KIF26B: variants seen among roughly 807,000 people sequenced by gnomAD.
KIF26B encodes the protein kinesin family member 26B.
Under a neutral mutation model 151.2 loss-of-function variants are expected in KIF26B, and 63 were observed. That is an observed-to-expected ratio of 0.42 (90% CI 0.34 to 0.51). The LOEUF is 0.51. Ranked by LOEUF, KIF26B falls within the 20% of genes least tolerant of loss-of-function variation. The pLI, the probability that KIF26B is intolerant of heterozygous loss-of-function variation, is 0.07. For synonymous variants in KIF26B, 1,357 were observed against 1,262.1 expected (o/e 1.08, Z -1.59); for missense variants, 2,813 against 2,913.6 (o/e 0.97, Z 0.79).
chr1:245,544,310 T>C (rs1661689491), intron 5 of KIF26B, among the ~76,000 whole-genome samples: 1 of 152,206 alleles, frequency 6.6e-6, no homozygotes, highest in South Asian at 2.1e-4. Context: ...TTGATGGAAT[T>C]CCCAAAAGCA....
intron 2 of KIF26B, among the ~76,000 whole-genome samples, chr1:245,343,081 ATCTC>A: frequency 2.3e-5 from 1 of 43,862 alleles, no homozygotes; most frequent in Middle Eastern, 6.9e-3. Context: ...GCGAGACTCC[ATCTC>A]AAAAAAAAAA....
At chr1:245,557,483 A>G (rs1329205279) in intron 5 of KIF26B, among the ~76,000 whole-genome samples, 1 of 152,200 alleles carries the variant, frequency 6.6e-6, no homozygotes, top group Non-Finnish European at 1.5e-5. Context: ...AAAACGAATC[A>G]TACTTCCTCA....
chr1:245,647,192 G>A lies in KIF26B; in HGVS notation c.2258+912G>A, dbSNP rs190745631. 4.4e-3 allele frequency among the ~76,000 whole-genome samples: 664 copies of A among 152,218 alleles called. 7 individuals carry two copies. The highest frequency in any genetic ancestry group is 0.015 in the African/African-American group (619 of 41,526). On this transcript the variant is annotated intron_variant, in intron 10 of 14. Coordinates refer to ENST00000407071, the MANE Select transcript of KIF26B (RefSeq NM_018012.4). Reference sequence around the variant, plus strand: ...TGTAATCCTGGCACTTTGGGAGGCCGAGGCGGGTGGATCACAAGGTCAGGA... The same window carrying A: ...TGTAATCCTGGCACTTTGGGAGGCCAAGGCGGGTGGATCACAAGGTCAGGA...
chr1:245,227,537 C>T lies in KIF26B; in HGVS notation c.465+70854C>T, dbSNP rs955436649. Among the ~76,000 whole-genome samples, 1 of 152,168 alleles carries T rather than the reference C, an allele frequency of 6.6e-6. No individual in the cohort carries two copies. Among genetic ancestry groups the T allele is most frequent in the Non-Finnish European group, 1.5e-5 (1 of 68,038 alleles). On this transcript the variant is annotated intron_variant, in intron 2 of 14. Transcript: ENST00000407071. This position sits in a 1 kb window ranked among gnomAD's most constrained non-coding sequence, Gnocchi z 4.1. ...GATTCCTCACGGGCAGAGATACTAC[C>T]CTCTGAGCTTGCTCCCTGCTTTGCT...
intron 2 of KIF26B, among the ~76,000 whole-genome samples, chr1:245,208,356 A>T (rs918643781): frequency 6.6e-6 from 1 of 152,220 alleles, no homozygotes; most frequent in Non-Finnish European, 1.5e-5. Flanking sequence ...TCCCCCATTG[A>T]TAACACCAGG....
chr1:245,573,037 A>G (rs1357929456), intron 5 of KIF26B, among the ~76,000 whole-genome samples: 1 of 152,210 alleles, frequency 6.6e-6, no homozygotes, highest in Non-Finnish European at 1.5e-5. Context: ...TTTCTTGTCC[A>G]ACTAAAACAC....
chr1:245,344,083 G>GCCTC (rs60727364), intron 2 of KIF26B, among the ~76,000 whole-genome samples: 30,315 of 148,476 alleles, frequency 0.2, 5,419 homozygotes, highest in African/African-American at 0.49. Flanking sequence ...CTGCCTCGCT[G>GCCTC]CCTCCCTCCC....
Position 245,602,526 on chromosome 1 carries a change from T to C in KIF26B, c.1351-51T>C. On this transcript the variant is annotated intron_variant, in intron 5 of 14. Transcript: ENST00000407071. The surrounding 1 kb of genome is among the most constrained non-coding windows in gnomAD (Gnocchi z 4.5). Reference sequence around the variant, plus strand: ...CAGAGTATACAAGGGTGCTCCATCGTAAAACACCCAGCTGTCTTCATCCAT... The same window carrying C: ...CAGAGTATACAAGGGTGCTCCATCGCAAAACACCCAGCTGTCTTCATCCAT... 6.7e-7 allele frequency: 1 copy of C among 1,494,484 alleles called. No homozygotes were observed. Among genetic ancestry groups the C allele is most frequent in the Non-Finnish European group, 9.2e-7 (1 of 1,091,446 alleles). The allele number at this position is 1,494,484 out of a possible 1,614,324, so 92.6% of individuals were successfully genotyped here.
At position 245,563,076 on chromosome 1, in the gene KIF26B, C is replaced by T. The variant is rs1558216195; in HGVS notation, c.1350+22126C>T. Among the ~76,000 whole-genome samples, 1 of 152,274 alleles carries T rather than the reference C, an allele frequency of 6.6e-6. No individual in the cohort carries two copies. Among genetic ancestry groups the T allele is most frequent in the East Asian group, 1.9e-4 (1 of 5,186 alleles). ...AGCACAGCCAGCATAGGAGCCGGCACTTAGTACATGTTTGTTTGGGGAATG... is the reference window on the plus strand; with the variant it reads ...AGCACAGCCAGCATAGGAGCCGGCATTTAGTACATGTTTGTTTGGGGAATG... On this transcript the variant is annotated intron_variant, in intron 5 of 14. Coordinates refer to ENST00000407071, the MANE Select transcript of KIF26B (RefSeq NM_018012.4). The surrounding 1 kb of genome is among the most constrained non-coding windows in gnomAD (Gnocchi z 4.6).
At chr1:245,611,701 C>A in intron 8 of KIF26B, 92 bp from the exon 9 acceptor site, 2 of 1,363,412 alleles carry the variant, frequency 1.5e-6, no homozygotes, top group Non-Finnish European at 1.0e-6. Flanking sequence ...ACAGAACACA[C>A]AGCCAGCTGA....
intron 5 of KIF26B, among the ~76,000 whole-genome samples, chr1:245,579,971 A>G (rs995305172): frequency 6.6e-6 from 1 of 152,098 alleles, no homozygotes; most frequent in Non-Finnish European, 1.5e-5. Context: ...TGAGCATTCC[A>G]TGAGACACGG....
chr1:245,560,165 G>A lies in KIF26B; in HGVS notation c.1350+19215G>A, dbSNP rs1183480044. On this transcript the variant is annotated intron_variant, in intron 5 of 14. Coordinates refer to ENST00000407071, the MANE Select transcript of KIF26B (RefSeq NM_018012.4). The surrounding 1 kb of genome is among the most constrained non-coding windows in gnomAD (Gnocchi z 4.3). ...CCAGACCGTGAGTTGTGGATGAAAG[G>A]GGCTGTATCTTACTTGCCCCTTTTT... Among the ~76,000 whole-genome samples, 1 of 152,082 alleles carries A rather than the reference G, an allele frequency of 6.6e-6. No homozygotes were observed. The highest frequency in any genetic ancestry group is 2.4e-5 in the African/African-American group (1 of 41,384).
intron 4 of KIF26B, among the ~76,000 whole-genome samples, chr1:245,440,139 T>G (rs1398207944): frequency 6.6e-6 from 1 of 151,270 alleles, no homozygotes; most frequent in Non-Finnish European, 1.5e-5. Context: ...GAGAATGGCG[T>G]GAACCTGGGA....
intron 2 of KIF26B, among the ~76,000 whole-genome samples, chr1:245,276,375 T>C (rs1325048882): frequency 6.6e-6 from 1 of 152,108 alleles, no homozygotes; most frequent in Admixed American, 6.5e-5. Flanking sequence ...TTTGAATACA[T>C]GCTCCAACTC....
chr1:245,688,327 T>C lies in KIF26B; in HGVS notation c.5344T>C (p.Trp1782Arg). Residue 1782 changes from tryptophan (W) to arginine (R), a missense_variant, in exon 12 of 15, where the codon TGG becomes CGG. Trp to Arg is a moderately radical substitution (Grantham distance 101). Transcript: ENST00000407071. ...GCCCCCCGGTGGGAAGCACACGCCCTGGTCCACGCAGTCCCTCAGCAGGAA... is the reference window on the plus strand; with the variant it reads ...GCCCCCCGGTGGGAAGCACACGCCCCGGTCCACGCAGTCCCTCAGCAGGAA... ...SSPPGGKHTP[W>R]STQSLSRNRS... The C allele has an allele frequency of 6.3e-7, 1 of 1,592,856 alleles. No individual in the cohort carries two copies. Among genetic ancestry groups the C allele is most frequent in the Non-Finnish European group, 8.5e-7 (1 of 1,177,284 alleles).
In KIF26B at chr1:245,688,603, G is replaced by A. The variant is rs750089358; in HGVS notation, c.5620G>A (p.Val1874Met). 3.2e-6 allele frequency: 5 copies of A among 1,585,928 alleles called. No individual in the cohort carries two copies. The East Asian group carries it at 1.2e-4, about 37-fold the overall frequency. Reference protein sequence around the residue: ...SSGHGSDNSSVLSGELPPAMG... With the variant: ...SSGHGSDNSSMLSGELPPAMG... ...CGGCCACGGCAGCGACAACAGCAGCGTGCTGAGCGGGGAGCTCCCGCCGGC... is the reference window on the plus strand; with the variant it reads ...CGGCCACGGCAGCGACAACAGCAGCATGCTGAGCGGGGAGCTCCCGCCGGC... Residue 1874 changes from valine (V) to methionine (M), a missense_variant, in exon 12 of 15, where the codon GTG (valine) becomes ATG (methionine). Val to Met is a conservative substitution (Grantham distance 21, BLOSUM62 1). This residue lies in a region of KIF26B where 2,060 missense variants were observed against 2,088.6 expected (regional missense o/e 0.99). Coordinates refer to ENST00000407071, the MANE Select transcript of KIF26B (RefSeq NM_018012.4).
intron 4 of KIF26B, among the ~76,000 whole-genome samples, chr1:245,450,925 T>A (rs1375119875): frequency 6.6e-6 from 1 of 152,230 alleles, no homozygotes; most frequent in Non-Finnish European, 1.5e-5. Flanking sequence ...TTAAGATAGA[T>A]ATGCTGCTAA....
intron 4 of KIF26B, among the ~76,000 whole-genome samples, chr1:245,487,660 A>G (rs1048352415): frequency 2.6e-5 from 4 of 151,860 alleles, no homozygotes; most frequent in Non-Finnish European, 4.4e-5. Context: ...GAGTGCAGTG[A>G]CACAATCTCA....
At chr1:245,178,810 G>C (rs1668855471) in intron 2 of KIF26B, among the ~76,000 whole-genome samples, 1 of 152,176 alleles carries the variant, frequency 6.6e-6, no homozygotes, top group South Asian at 2.1e-4. Flanking sequence ...TGTGACGTGG[G>C]CTTGCCACAT....
Sources: gnomAD v4.1 joint callset for allele counts (sites outside exome capture counted in the v4.1 genomes callset) on GRCh38, gnomAD v4.1.1 for gene constraint, gnomAD v4.1.1 regional missense constraint, Gnocchi (gnomAD v3.1) non-coding constraint, MANE v1.5 for transcripts, NCBI Gene and HGNC (gene_info 2026-07-23, HGNC 2026-07-21) for gene names.